The following NXPE2 variants were observed in gnomAD, a reference collection of about 807,000 sequenced individuals.
The protein encoded by NXPE2 is neurexophilin and PC-esterase domain family member 2, also known as NXPE family member 2.
A neutral mutation model predicts 34.4 loss-of-function variants in NXPE2; 34 were observed. That is an observed-to-expected ratio of 0.99 (90% CI 0.75 to 1.31). The LOEUF (loss-of-function observed/expected upper bound fraction) is 1.31. NXPE2 is among the 40% of genes most tolerant of loss of function. The pLI, the probability that NXPE2 is intolerant of heterozygous loss-of-function variation, is 0.00. For missense variants in NXPE2, 649 were observed against 672.5 expected (o/e 0.97, Z 0.39); for synonymous variants, 235 against 231.3 (o/e 1.02, Z -0.15).
chr11:114,520,400 C>T, the NXPE2 span, among the ~76,000 whole-genome samples: 3 of 152,104 alleles, frequency 2.0e-5, no homozygotes, highest in African/African-American at 4.8e-5. Context: ...TTTTACTTAG[C>T]GTAACGTCCT....
the NXPE2 span, among the ~76,000 whole-genome samples, chr11:114,777,853 T>C: frequency 6.6e-6 from 1 of 152,294 alleles, no homozygotes; most frequent in East Asian, 1.9e-4. Context: ...CTCATTGGCT[T>C]GCTATGTGAT....
intron 2 of NXPE2, among the ~76,000 whole-genome samples, chr11:114,696,360 GAAAGA>G (rs542954101): frequency 1.6e-5 from 2 of 128,450 alleles, no homozygotes; most frequent in Non-Finnish European, 3.4e-5. Context: ...AAAAAAAAAA[GAAAGA>G]AAAGAAAAGA....
the NXPE2 span, among the ~76,000 whole-genome samples, chr11:114,791,100 C>A: frequency 6.6e-6 from 1 of 151,580 alleles, no homozygotes; most frequent in Non-Finnish European, 1.5e-5. Context: ...TGAGTGACAG[C>A]GAAGACACCT....
At chr11:114,681,593 G>T (rs893449163) in intron 2 of NXPE2, among the ~76,000 whole-genome samples, 1 of 151,874 alleles carries the variant, frequency 6.6e-6, no homozygotes, top group Admixed American at 6.6e-5. Flanking sequence ...TCATCTTCTT[G>T]ATTTAACACC....
chr11:114,558,877 G>A, the NXPE2 span, among the ~76,000 whole-genome samples: 6 of 152,114 alleles, frequency 3.9e-5, no homozygotes, highest in African/African-American at 1.4e-4. Context: ...CACATACAAA[G>A]TTTGTTTTCA....
At chr11:114,799,876 C>T in the NXPE2 span, among the ~76,000 whole-genome samples, 2 of 151,970 alleles carry the variant, frequency 1.3e-5, no homozygotes, top group African/African-American at 4.8e-5. Context: ...ACCCTCCCTC[C>T]CTTTCTTCCT....
chr11:114,578,377 G>A, the NXPE2 span, among the ~76,000 whole-genome samples: 1 of 152,182 alleles, frequency 6.6e-6, no homozygotes, highest in Non-Finnish European at 1.5e-5. Context: ...GAAGAGGGTA[G>A]GTAACTCCAT....
chr11:114,728,612 A>G, the NXPE2 span, among the ~76,000 whole-genome samples: 1 of 152,022 alleles, frequency 6.6e-6, no homozygotes, highest in African/African-American at 2.4e-5. Context: ...ATGTGGAGCA[A>G]TTGTTCTTTA....
At chr11:114,554,382 C>T in the NXPE2 span, 1 of 985,166 alleles carries the variant, frequency 1.0e-6, no homozygotes, top group Non-Finnish European at 1.2e-6. Context: ...GCTTAGACCA[C>T]AGAGGTGATG....
At chr11:114,525,714 C>T in the NXPE2 span, among the ~76,000 whole-genome samples, 1 of 152,136 alleles carries the variant, frequency 6.6e-6, no homozygotes, top group African/African-American at 2.4e-5. Context: ...TGATAAACTG[C>T]CTTTGTTCTG....
the NXPE2 span, among the ~76,000 whole-genome samples, chr11:114,509,917 C>A: frequency 6.6e-6 from 1 of 152,124 alleles, no homozygotes; most frequent in South Asian, 2.1e-4. Context: ...GTACCCCGAA[C>A]TTAAAATGAA....
At chr11:114,515,769 GAA>G in the NXPE2 span, among the ~76,000 whole-genome samples, 2 of 98,670 alleles carry the variant, frequency 2.0e-5, no homozygotes, top group Admixed American at 1.0e-4. Flanking sequence ...CAGTCTTTCT[GAA>G]GTAGAGCAAT....
the NXPE2 span, among the ~76,000 whole-genome samples, chr11:114,726,003 A>AGAAAAC: frequency 6.9e-6 from 1 of 145,168 alleles, no homozygotes; most frequent in Non-Finnish European, 1.5e-5. Flanking sequence ...AAAAAGAAAA[A>AGAAAAC]GAAAACCATA....
At chr11:114,662,673 G>A in the NXPE2 span, among the ~76,000 whole-genome samples, 3 of 152,054 alleles carry the variant, frequency 2.0e-5, no homozygotes, top group Non-Finnish European at 4.4e-5. Context: ...GGGAAGAGTG[G>A]TGAGGACTTT....
chr11:114,664,095 T>A, the NXPE2 span, among the ~76,000 whole-genome samples: 1 of 152,160 alleles, frequency 6.6e-6, no homozygotes, highest in Admixed American at 6.6e-5. Flanking sequence ...GAGGTTTTAT[T>A]CACAATTGCC....
intron 2 of NXPE2, among the ~76,000 whole-genome samples, chr11:114,687,632 T>A (rs1272934794): frequency 6.6e-6 from 1 of 152,238 alleles, no homozygotes; most frequent in African/African-American, 2.4e-5. Context: ...TTAGAATAGT[T>A]CTTTCTCATT....
the NXPE2 span, among the ~76,000 whole-genome samples, chr11:114,718,488 T>C: frequency 6.6e-6 from 1 of 152,206 alleles, no homozygotes; most frequent in South Asian, 2.1e-4. Context: ...ACAATATGAC[T>C]ACCACTCTAA....
chr11:114,640,982 A>C, the NXPE2 span, among the ~76,000 whole-genome samples: 4 of 152,052 alleles, frequency 2.6e-5, no homozygotes, highest in East Asian at 1.9e-4. Context: ...ATTAGAATTA[A>C]GTGTAATCAA....
intron 2 of NXPE2, among the ~76,000 whole-genome samples, chr11:114,683,104 C>A (rs1950976919): frequency 6.6e-6 from 1 of 151,962 alleles, no homozygotes; most frequent in Non-Finnish European, 1.5e-5. Context: ...TATAGAAAGA[C>A]CATTATAATT....
Sources: gnomAD v4.1 joint callset for allele counts (sites outside exome capture counted in the v4.1 genomes callset) on GRCh38, gnomAD v4.1.1 for gene constraint, MANE v1.5 for transcripts, NCBI Gene and HGNC (gene_info 2026-07-23, HGNC 2026-07-21) for gene names.